PCDHA7: variants seen among roughly 807,000 people sequenced by gnomAD.
PCDHA7 encodes protocadherin alpha 7, also known as protocadherin alpha-7.
Under a neutral mutation model 57.2 loss-of-function variants are expected in PCDHA7, and 37 were observed. That is an observed-to-expected ratio of 0.65 (90% confidence interval 0.50 to 0.85). The LOEUF (loss-of-function observed/expected upper bound fraction) is 0.85. PCDHA7 is among the 40% of genes least tolerant of loss of function. PCDHA7 has a pLI of 0.00. For synonymous variants in PCDHA7, 553 were observed against 558.8 expected (o/e 0.99, Z 0.15); for missense variants, 1,188 against 1,241.8 (o/e 0.96, Z 0.65).
chr5:140,875,629 G>A, intron 1 of PCDHA7: 1 of 1,613,758 alleles, frequency 6.2e-7, no homozygotes, highest in Non-Finnish European at 8.5e-7. Flanking sequence ...TCAGGACCTG[G>A]GGCTGGAGCT....
At chr5:140,938,187 C>T (rs1584944424) in intron 1 of PCDHA7, among the ~76,000 whole-genome samples, 1 of 152,158 alleles carries the variant, frequency 6.6e-6, no homozygotes, top group Admixed American at 6.5e-5. Context: ...CTCAAGCAAT[C>T]CTCCCACGCC....
chr5:140,906,120 A>C (rs1554192404), intron 1 of PCDHA7, among the ~76,000 whole-genome samples: 1 of 152,134 alleles, frequency 6.6e-6, no homozygotes, highest in East Asian at 1.9e-4. Flanking sequence ...CCACTGACAC[A>C]AATGTTAGTC....
chr5:140,871,433 T>C (rs2053076165), intron 1 of PCDHA7: 3 of 1,612,290 alleles, frequency 1.9e-6, no homozygotes, highest in Non-Finnish European at 2.5e-6. Flanking sequence ...AGTCTTCCTC[T>C]AGGTCTGAAT....
intron 1 of PCDHA7, chr5:140,968,991 G>A: frequency 6.2e-7 from 1 of 1,614,208 alleles, no homozygotes; most frequent in East Asian, 2.2e-5. Context: ...ACTGCATGCT[G>A]TGGAGGCTTC....
intron 1 of PCDHA7, chr5:140,843,540 T>C: frequency 6.3e-7 from 1 of 1,595,966 alleles, no homozygotes; most frequent in Non-Finnish European, 8.6e-7. Context: ...CCCACTCTGG[T>C]GTGCTCCAGT....
At chr5:140,920,481 G>T (rs2079651233) in intron 1 of PCDHA7, among the ~76,000 whole-genome samples, 1 of 151,886 alleles carries the variant, frequency 6.6e-6, no homozygotes, top group Non-Finnish European at 1.5e-5. Context: ...TATGTTTTTG[G>T]TCCAACAATA....
intron 1 of PCDHA7, among the ~76,000 whole-genome samples, chr5:140,838,236 C>G (rs2150286202): frequency 6.6e-6 from 1 of 150,998 alleles, no homozygotes; most frequent in East Asian, 1.9e-4. Context: ...GCCTCAGTCT[C>G]CCAAGTAGCT....
At chr5:140,956,906 A>G (rs2095319439) in intron 1 of PCDHA7, among the ~76,000 whole-genome samples, 1 of 152,218 alleles carries the variant, frequency 6.6e-6, no homozygotes, top group Non-Finnish European at 1.5e-5. Flanking sequence ...TCTTAAATGT[A>G]TAAACTTTAA....
intron 1 of PCDHA7, chr5:140,883,740 C>A: frequency 6.2e-7 from 1 of 1,613,368 alleles, no homozygotes; most frequent in Non-Finnish European, 8.5e-7. Context: ...GCGCTGGTCT[C>A]CTACTCGCTG....
At chr5:140,966,808 A>G (rs782040625) in intron 1 of PCDHA7, 5 of 1,548,024 alleles carry the variant, frequency 3.2e-6, no homozygotes, top group Non-Finnish European at 4.3e-6. Context: ...CAGAGCATCC[A>G]CGGCTCCGGC....
intron 1 of PCDHA7, among the ~76,000 whole-genome samples, chr5:140,947,315 C>CGGTT (rs1443576978): frequency 4.0e-5 from 6 of 151,444 alleles, no homozygotes; most frequent in African/African-American, 1.5e-4. Flanking sequence ...TGTAAAAAGT[C>CGGTT]GGTTGACCAT....
At chr5:140,995,592 A>G (rs2097690478) in intron 3 of PCDHA7, among the ~76,000 whole-genome samples, 1 of 152,212 alleles carries the variant, frequency 6.6e-6, no homozygotes, top group East Asian at 1.9e-4. Context: ...CTTTTAACTT[A>G]GTGTTTTTCT....
intron 1 of PCDHA7, chr5:140,857,079 A>C: frequency 6.3e-7 from 1 of 1,597,252 alleles, no homozygotes; most frequent in African/African-American, 1.3e-5. Flanking sequence ...GATGAAAATG[A>C]TAATTCACCT....
chr5:140,968,272 A>G (rs369285531), intron 1 of PCDHA7: 1 of 1,613,936 alleles, frequency 6.2e-7, no homozygotes, highest in African/African-American at 1.3e-5. Context: ...AGGAGAATGC[A>G]GAGGTGACCT....
intron 3 of PCDHA7, among the ~76,000 whole-genome samples, chr5:141,004,893 C>A (rs1339074840): frequency 1.3e-5 from 2 of 152,154 alleles, no homozygotes; most frequent in African/African-American, 4.8e-5. Flanking sequence ...ATTGTGTCAG[C>A]TCTGCCAGGG....
intron 1 of PCDHA7, among the ~76,000 whole-genome samples, chr5:140,911,205 A>G (rs1554194650): frequency 6.6e-6 from 1 of 152,162 alleles, no homozygotes; most frequent in African/African-American, 2.4e-5. Flanking sequence ...TGTTGCCACT[A>G]CTGGGGATGA....
At chr5:140,921,988 A>G (rs1182214376) in intron 1 of PCDHA7, among the ~76,000 whole-genome samples, 1 of 152,132 alleles carries the variant, frequency 6.6e-6, no homozygotes, top group Non-Finnish European at 1.5e-5. Flanking sequence ...ACTAAAAAAG[A>G]GTTCAATGAA....
chr5:140,869,040 G>A, intron 1 of PCDHA7: 23 of 1,529,286 alleles, frequency 1.5e-5, no homozygotes, highest in Non-Finnish European at 1.9e-5. Flanking sequence ...TTTTTAACCT[G>A]AAACTGAAGA....
chr5:140,925,267 G>C (rs931372584), intron 1 of PCDHA7, among the ~76,000 whole-genome samples: 14 of 152,060 alleles, frequency 9.2e-5, no homozygotes, highest in Non-Finnish European at 1.9e-4. Flanking sequence ...CTTGATCTGT[G>C]TTCAGATTTT....
Sources: allele counts gnomAD v4.1 joint callset (sites outside exome capture counted in the v4.1 genomes callset), GRCh38; gene constraint gnomAD v4.1.1; transcripts MANE v1.5; gene names NCBI Gene and HGNC (gene_info 2026-07-23, HGNC 2026-07-21).